BTRC: variants seen among roughly 807,000 people sequenced by gnomAD.
The protein encoded by BTRC is F-box/WD repeat-containing protein 1A.
Under a neutral mutation model 85.5 loss-of-function variants are expected in BTRC, and 42 were observed. The ratio of observed to expected loss-of-function variants is 0.49; its 90% confidence interval spans 0.38 to 0.64. The LOEUF (loss-of-function observed/expected upper bound fraction) is 0.64, where lower values mean the gene tolerates loss of function less well. BTRC is among the 30% of genes least tolerant of loss of function. BTRC has a pLI of 0.00. For synonymous variants in BTRC, 255 were observed against 263.3 expected, an observed-to-expected ratio of 0.97 and a Z score of 0.30; for missense variants, 594 against 743.5, an observed-to-expected ratio of 0.80 and a Z score of 2.34.
chr10:101,407,370 G>T (rs1263286494), intron 1 of BTRC, among the ~76,000 whole-genome samples: 1 of 152,038 alleles, frequency 6.6e-6, no homozygotes, highest in Non-Finnish European at 1.5e-5. Flanking sequence ...AAAGAAAGTT[G>T]AAATTTTCAT....
At chr10:101,484,899 C>T (rs1303318728) in intron 4 of BTRC, among the ~76,000 whole-genome samples, 1 of 152,164 alleles carries the variant, frequency 6.6e-6, no homozygotes, top group African/African-American at 2.4e-5. Context: ...AATGACTTTT[C>T]CAAGTTCACT....
At chr10:101,524,210 T>TA (rs748365014) in intron 5 of BTRC, among the ~76,000 whole-genome samples, 5 of 152,210 alleles carry the variant, frequency 3.3e-5, no homozygotes, top group Non-Finnish European at 5.9e-5. Flanking sequence ...TATCTTTTGT[T>TA]AAACAGAATA....
intron 12 of BTRC, 133 bp downstream of exon 12, chr10:101,536,786 T>A (rs2062393936): frequency 1.3e-5 from 8 of 616,634 alleles, no homozygotes; most frequent in Non-Finnish European, 2.2e-5. Context: ...GATACCATAT[T>A]TCTTTAATCC....
In BTRC at chr10:101,532,411, C is replaced by G; in HGVS notation, c.957C>G (p.Gly319=). Residue 319 remains glycine (G), a synonymous_variant, in exon 8 of 15, where the codon GGC becomes GGG. Transcript: ENST00000370187. The part of the protein sequence containing the change: ...LQYDDQKIVS[G]LRDNTIKIWD... Reference sequence around the variant, plus strand: ...ATGATGATCAGAAAATAGTAAGCGGCCTTCGAGACAACACAATCAAGGTGA... The same window carrying G: ...ATGATGATCAGAAAATAGTAAGCGGGCTTCGAGACAACACAATCAAGGTGA... The G allele has an allele frequency of 6.2e-7, 1 of 1,611,364 alleles. No individual in the cohort carries two copies. Among genetic ancestry groups the G allele is most frequent in the African/African-American group, 1.3e-5 (1 of 74,924 alleles).
chr10:101,387,340 TCTC>T (rs1258437988), intron 1 of BTRC, among the ~76,000 whole-genome samples: 2 of 151,538 alleles, frequency 1.3e-5, no homozygotes, highest in Non-Finnish European at 2.9e-5. Context: ...CATTCAATAT[TCTC>T]CTAGCTATTT....
intron 2 of BTRC, among the ~76,000 whole-genome samples, chr10:101,441,919 C>T (rs1944692041): frequency 7.1e-6 from 1 of 140,172 alleles, no homozygotes; most frequent in Non-Finnish European, 1.5e-5. Context: ...AGTCAGAATA[C>T]AATGTAGACA....
chr10:101,450,498 C>T (rs1944931618), intron 2 of BTRC, among the ~76,000 whole-genome samples: 1 of 152,112 alleles, frequency 6.6e-6, no homozygotes, highest in South Asian at 2.1e-4. Flanking sequence ...CTTAGTTGAG[C>T]TTGTTTATCT....
In BTRC at chr10:101,366,856, ATATT is replaced by A. The variant is rs1159790848; in HGVS notation, c.48+12632_48+12635del. Reference sequence around the variant, plus strand: ...TATATATATTTATGTATATTAATATATATTTATATATTAATATATATTTATATAT... The same window carrying A: ...TATATATATTTATGTATATTAATATATATATATTAATATATATTTATATAT... On this transcript the variant is annotated intron_variant, in intron 1 of 14. Coordinates refer to ENST00000370187, the MANE Select transcript of BTRC (RefSeq NM_033637.4). Among the ~76,000 whole-genome samples the A allele has an allele frequency of 2.5e-3, 62 of 25,012 alleles. 8 individuals carry two copies. Among genetic ancestry groups the A allele is most frequent in the African/African-American group, 0.011 (57 of 5,066 alleles). The allele number at this position is 25,012 out of a possible 152,430, so 16.4% of individuals were successfully genotyped here. A position where few individuals can be genotyped will look rare whatever the true frequency, so the allele number is the denominator to read the frequency against.
intron 1 of BTRC, among the ~76,000 whole-genome samples, chr10:101,367,076 A>T (rs575952848): frequency 1.9e-5 from 2 of 103,232 alleles, no homozygotes; most frequent in Non-Finnish European, 3.7e-5. Flanking sequence ...ATATATATAT[A>T]TATATTTTTT....
chr10:101,491,058 C>CA lies in BTRC; in HGVS notation c.324+11616dup, dbSNP rs10558650. ...TGGGTGAAGGAGCAAGACTCTGTCT[C>CA]AAAAAAAAAAAAAAACTCTCTTTTC... is the stretch of plus-strand genomic sequence containing the variant. On this transcript the variant is annotated intron_variant, in intron 4 of 14. Transcript: ENST00000370187. 2.8e-3 allele frequency among the ~76,000 whole-genome samples: 416 copies of CA among 146,768 alleles called. 3 individuals carry two copies. Among genetic ancestry groups the CA allele is most frequent in the African/African-American group, 0.01 (409 of 39,960 alleles).
intron 10 of BTRC, 48 bp from the exon 11 acceptor site, chr10:101,535,306 A>G: frequency 7.1e-7 from 1 of 1,409,944 alleles, no homozygotes; most frequent in Non-Finnish European, 1.0e-6. Context: ...CATAGATTTT[A>G]CCAATAAAAG....
At chr10:101,376,750 A>C (rs1942799682) in intron 1 of BTRC, among the ~76,000 whole-genome samples, 1 of 152,180 alleles carries the variant, frequency 6.6e-6, no homozygotes, top group African/African-American at 2.4e-5. Flanking sequence ...AGGTAAATGT[A>C]AAGGTGCTTT....
chr10:101,523,488 C>T (rs757418300), intron 5 of BTRC, among the ~76,000 whole-genome samples: 1 of 151,994 alleles, frequency 6.6e-6, no homozygotes, highest in Non-Finnish European at 1.5e-5. Context: ...AAAAATCATA[C>T]CAGCATGAAT....
intron 1 of BTRC, among the ~76,000 whole-genome samples, chr10:101,383,272 G>A (rs575481583): frequency 1.3e-5 from 2 of 151,488 alleles, no homozygotes; most frequent in South Asian, 4.2e-4. Context: ...CCCATGCTGA[G>A]TTTGCCATTC....
intron 1 of BTRC, among the ~76,000 whole-genome samples, chr10:101,386,040 G>A (rs527774083): frequency 1.3e-5 from 2 of 152,022 alleles, no homozygotes; most frequent in African/African-American, 4.8e-5. Flanking sequence ...GACTTGGCTG[G>A]TAGTTATCAA....
At chr10:101,455,951 G>A (rs988925951) in intron 2 of BTRC, among the ~76,000 whole-genome samples, 5 of 124,710 alleles carry the variant, frequency 4.0e-5, no homozygotes, top group African/African-American at 1.6e-4. Context: ...AGGCTAGCCT[G>A]GCCAACATGG....
intron 2 of BTRC, among the ~76,000 whole-genome samples, chr10:101,440,134 T>C (rs1944642987): frequency 6.6e-6 from 1 of 152,220 alleles, no homozygotes; most frequent in Admixed American, 6.5e-5. Flanking sequence ...GCCAAATGAA[T>C]AGAAAATCTT....
intron 13 of BTRC, among the ~76,000 whole-genome samples, chr10:101,545,045 T>C (rs1354742215): frequency 4.6e-5 from 7 of 150,876 alleles, no homozygotes; most frequent in African/African-American, 1.7e-4. Flanking sequence ...AATGAGACCC[T>C]GTCTCAAAAA....
At position 101,386,878 on chromosome 10, in the gene BTRC, ATTTTC is replaced by A. The variant is rs1943092875; in HGVS notation, c.48+32652_48+32656del. 2.0e-5 allele frequency among the ~76,000 whole-genome samples: 3 copies of A among 152,088 alleles called. No homozygotes were observed. In the South Asian group the frequency reaches 6.2e-4, roughly 32 times the overall value. ...TTTAAGATCATGAAAATAGCCTCAT[ATTTTC>A]TACTAGAGACTTTTTGAGTTTTGGT... On this transcript the variant is annotated intron_variant, in intron 1 of 14. Coordinates refer to ENST00000370187, the MANE Select transcript of BTRC (RefSeq NM_033637.4).
Sources: allele counts gnomAD v4.1 joint callset (sites outside exome capture counted in the v4.1 genomes callset), GRCh38; gene constraint gnomAD v4.1.1; transcripts MANE v1.5; gene names NCBI Gene and HGNC (gene_info 2026-07-23, HGNC 2026-07-21).